The following DSE variants were observed in gnomAD, a reference collection of about 807,000 sequenced individuals.
DSE encodes the protein dermatan-sulfate epimerase.
A neutral mutation model predicts 84.4 loss-of-function variants in DSE; 36 were observed. The observed-to-expected ratio is 0.43, with a 90% confidence interval of 0.33 to 0.56. DSE has a LOEUF of 0.56. Among genes scored for constraint, DSE ranks in the 20% least tolerant of loss-of-function variants. The pLI, the probability that DSE is intolerant of heterozygous loss-of-function variation, is 0.06. For missense variants in DSE, 862 were observed against 1,169.6 expected (o/e 0.74, Z 3.84); for synonymous variants, 410 against 430.1 (o/e 0.95, Z 0.58).
chr6:116,288,742 T>G, intron 2 of DSE, among the ~76,000 whole-genome samples: 1 of 152,102 alleles, frequency 6.6e-6, no homozygotes, highest in Non-Finnish European at 1.5e-5. Context: ...CTATATTGGA[T>G]CTCATGCAAC....
At chr6:116,281,183 A>T (rs1216022029) in intron 2 of DSE, among the ~76,000 whole-genome samples, 1 of 152,112 alleles carries the variant, frequency 6.6e-6, no homozygotes, top group Non-Finnish European at 1.5e-5. Flanking sequence ...GGGAGGGAGG[A>T]AAGGGAAATC....
chr6:116,346,917 CAG>C (rs1341936046), intron 2 of DSE, among the ~76,000 whole-genome samples: 2 of 152,196 alleles, frequency 1.3e-5, no homozygotes, highest in Non-Finnish European at 2.9e-5. Flanking sequence ...GCAACTTCAG[CAG>C]AGTCTCAGGA....
chr6:116,360,521 C>T (rs1339164244), intron 2 of DSE, among the ~76,000 whole-genome samples: 1 of 152,116 alleles, frequency 6.6e-6, no homozygotes, highest in African/African-American at 2.4e-5. Context: ...ATAAAGGTCA[C>T]ACCATTATCC....
At position 116,378,552 on chromosome 6, in the gene DSE, C is replaced by T. The variant is rs186335075; in HGVS notation, c.-54+7431C>T. ...GTAAACATTGCAAAACTCCTCCATC[C>T]CCTGCTTAATCTGTTTTCTCCCAAA... On this transcript the variant is annotated intron_variant, in intron 1 of 5. Transcript: ENST00000644252. Among the ~76,000 whole-genome samples the T allele has an allele frequency of 1.4e-4, 21 of 152,118 alleles. No individual in the cohort carries two copies. In the East Asian group the frequency reaches 4.1e-3, roughly 29 times the overall value.
intron 2 of DSE, among the ~76,000 whole-genome samples, chr6:116,351,431 A>C (rs1279656314): frequency 6.6e-6 from 1 of 152,204 alleles, no homozygotes; most frequent in Non-Finnish European, 1.5e-5. Context: ...TTTAAGAAGT[A>C]TGCTAATAAG....
chr6:116,388,255 G>A (rs1229710094), intron 1 of DSE, among the ~76,000 whole-genome samples: 1 of 152,172 alleles, frequency 6.6e-6, no homozygotes, highest in African/African-American at 2.4e-5. Flanking sequence ...ACCACTGTTG[G>A]TGTAAATCCC....
chr6:116,339,503 G>A (rs1441877730), intron 2 of DSE, among the ~76,000 whole-genome samples: 1 of 152,116 alleles, frequency 6.6e-6, no homozygotes, highest in African/African-American at 2.4e-5. Context: ...GTTTTAATGT[G>A]AAAAGATCAG....
chr6:116,425,685 C>T (rs902963531), intron 2 of DSE, among the ~76,000 whole-genome samples: 1 of 146,824 alleles, frequency 6.8e-6, no homozygotes, highest in Non-Finnish European at 1.5e-5. Context: ...TGCAGTGGCG[C>T]GATCTCGGCT....
At chr6:116,297,278 C>G (rs1320309197) in intron 2 of DSE, among the ~76,000 whole-genome samples, 1 of 151,966 alleles carries the variant, frequency 6.6e-6, no homozygotes, top group East Asian at 1.9e-4. Flanking sequence ...TTCCAGCTTC[C>G]TCTCCTCTTG....
At chr6:116,299,955 G>A (rs1774934257) in intron 2 of DSE, among the ~76,000 whole-genome samples, 2 of 152,152 alleles carry the variant, frequency 1.3e-5, no homozygotes, top group South Asian at 4.1e-4. Context: ...ACATTAGATG[G>A]AAATATAGTT....
At chr6:116,319,663 C>CT (rs1300632866) in intron 2 of DSE, among the ~76,000 whole-genome samples, 2 of 152,238 alleles carry the variant, frequency 1.3e-5, no homozygotes, top group African/African-American at 4.8e-5. Context: ...AAATCCTACA[C>CT]TGTAGTGCCT....
intron 2 of DSE, among the ~76,000 whole-genome samples, chr6:116,320,919 C>T (rs1776268579): frequency 6.6e-6 from 1 of 152,108 alleles, no homozygotes; most frequent in South Asian, 2.1e-4. Context: ...AAGGAATACA[C>T]AACTGAGCTC....
At chr6:116,371,650 C>T (rs1029219811) in intron 1 of DSE, among the ~76,000 whole-genome samples, 4 of 152,190 alleles carry the variant, frequency 2.6e-5, no homozygotes, top group African/African-American at 9.7e-5. Flanking sequence ...AGGAAGAGCT[C>T]CCCAAGCCTC....
chr6:116,360,426 A>G (rs1175101029), intron 2 of DSE, among the ~76,000 whole-genome samples: 1 of 152,230 alleles, frequency 6.6e-6, no homozygotes, highest in Non-Finnish European at 1.5e-5. Flanking sequence ...CATGTATTTT[A>G]ATATTTCATT....
chr6:116,440,582 G>A lies in DSE; in HGVS notation c.*3237G>A, dbSNP rs1020552479. The A allele has an allele frequency of 6.6e-6, 1 of 152,196 alleles. No individual in the cohort carries two copies. The highest frequency in any genetic ancestry group is 1.5e-5 in the Non-Finnish European group (1 of 68,038). 9.4% of individuals were successfully genotyped at this position (152,196 alleles called of 1,614,324 possible). A position where few individuals can be genotyped will look rare whatever the true frequency, so the allele number is the denominator to read the frequency against. ...TTTGTAGGCTTAAAAGTAAATTAGT[G>A]TGTTTTCTTAAAAATCTAAACCAAG... On this transcript the variant is annotated 3_prime_UTR_variant, in exon 6 of 6. Coordinates refer to ENST00000644252, the MANE Select transcript of DSE (RefSeq NM_013352.4).
At chr6:116,373,311 C>T (rs1336005341) in intron 1 of DSE, among the ~76,000 whole-genome samples, 5 of 152,170 alleles carry the variant, frequency 3.3e-5, no homozygotes, top group African/African-American at 1.2e-4. Flanking sequence ...TGCAGTGAGC[C>T]GAGATTGTGC....
intron 2 of DSE, among the ~76,000 whole-genome samples, chr6:116,408,786 C>T (rs1013346187): frequency 5.3e-5 from 8 of 152,216 alleles, no homozygotes; most frequent in African/African-American, 1.9e-4. Flanking sequence ...CTTCTCTCCT[C>T]CCTGATCCCT....
chr6:116,342,281 GTTT>G (rs34996201), intron 2 of DSE, among the ~76,000 whole-genome samples: 1 of 133,648 alleles, frequency 7.5e-6, no homozygotes. Context: ...TATTGTTGCT[GTTT>G]TTTTTTTTTT....
rs548326072 is a variant in DSE at position 116,440,383 on chromosome 6, A to G, written c.*3038A>G. On this transcript the variant is annotated 3_prime_UTR_variant, in exon 6 of 6. Transcript: ENST00000644252. ...CGTGATCGTAGCTCACTGCAGCCGCAAACTTCCCATCTTAAGCGATTCTTC... is the reference window on the plus strand; with the variant it reads ...CGTGATCGTAGCTCACTGCAGCCGCGAACTTCCCATCTTAAGCGATTCTTC... 6.6e-6 allele frequency: 1 copy of G among 152,278 alleles called. No individual in the cohort carries two copies. The highest frequency in any genetic ancestry group is 1.5e-5 in the Non-Finnish European group (1 of 68,026). The allele number at this position is 152,278 out of a possible 1,614,324, so 9.4% of individuals were successfully genotyped here.
Sources: gnomAD v4.1 joint callset for allele counts (sites outside exome capture counted in the v4.1 genomes callset) on GRCh38, gnomAD v4.1.1 for gene constraint, MANE v1.5 for transcripts, NCBI Gene and HGNC (gene_info 2026-07-23, HGNC 2026-07-21) for gene names.